The following CALN1 variants were observed in gnomAD, a reference collection of about 807,000 sequenced individuals.
CALN1 encodes calneuron 1.
CALN1 carries 17 observed loss-of-function variants against 30.6 expected under a neutral mutation model. That is an observed-to-expected ratio of 0.56 (90% CI 0.38 to 0.83). CALN1 has a LOEUF of 0.83. CALN1 is among the 40% of genes least tolerant of loss of function. The pLI, the probability that CALN1 is intolerant of heterozygous loss-of-function variation, is 0.00. For synonymous variants in CALN1, 156 were observed against 131.4 expected (o/e 1.19, Z -1.28); for missense variants, 291 against 354.9 (o/e 0.82, Z 1.45).
At position 71,931,684 on chromosome 7, in the gene CALN1, G is replaced by A. The variant is rs573348566; in HGVS notation, c.501+91973C>T. On this transcript the variant is annotated intron_variant, in intron 5 of 6. Coordinates refer to ENST00000395275, the MANE Select transcript of CALN1 (RefSeq NM_031468.4). ...AGTTCTAACCCTTTCTTTCAAAGCC[G>A]TTGCTACTGAGGGATACAGTGCAAT... is the stretch of plus-strand genomic sequence containing the variant. Among the ~76,000 whole-genome samples, 12 of 152,324 alleles carry A rather than the reference G, an allele frequency of 7.9e-5. No individual in the cohort carries two copies. The South Asian group carries it at 2.1e-3, about 26-fold the overall frequency.
At chr7:72,458,898 T>C in the CALN1 span, among the ~76,000 whole-genome samples, 1 of 144,180 alleles carries the variant, frequency 6.9e-6, no homozygotes, top group Non-Finnish European at 1.5e-5. Flanking sequence ...TTTGGTTTTT[T>C]TGGGGTTTTT....
At chr7:71,838,381 C>T (rs1789743629) in intron 5 of CALN1, among the ~76,000 whole-genome samples, 1 of 152,208 alleles carries the variant, frequency 6.6e-6, no homozygotes, top group East Asian at 1.9e-4. Context: ...AACATCCATT[C>T]TGTCCCAGAT....
chr7:72,205,682 G>A (rs1017615367), intron 3 of CALN1, among the ~76,000 whole-genome samples: 1 of 147,902 alleles, frequency 6.8e-6, no homozygotes, highest in South Asian at 2.2e-4. Flanking sequence ...TTTAAGTTTT[G>A]TAACATCAAA....
At chr7:72,112,070 A>T (rs746843448) in intron 3 of CALN1, among the ~76,000 whole-genome samples, 2 of 152,132 alleles carry the variant, frequency 1.3e-5, no homozygotes, top group Non-Finnish European at 2.9e-5. Flanking sequence ...CTTAAAAAAA[A>T]GTCTGCATTG....
chr7:72,376,427 A>G (rs1351800980), intron 2 of CALN1, among the ~76,000 whole-genome samples: 1 of 152,152 alleles, frequency 6.6e-6, no homozygotes, highest in Admixed American at 6.5e-5. Context: ...GTGGGTTTTG[A>G]TATTATTGTG....
chr7:72,216,888 A>G (rs951223184), intron 3 of CALN1, among the ~76,000 whole-genome samples: 1 of 149,060 alleles, frequency 6.7e-6, no homozygotes, highest in Non-Finnish European at 1.5e-5. Flanking sequence ...AGTAGCTGGG[A>G]GTACAGGCAC....
intron 2 of CALN1, among the ~76,000 whole-genome samples, chr7:72,402,450 G>A (rs1047590874): frequency 1.1e-4 from 16 of 152,144 alleles, no homozygotes; most frequent in African/African-American, 3.4e-4. Flanking sequence ...GCTAAAGCTG[G>A]AGATCCCATT....
intron 3 of CALN1, among the ~76,000 whole-genome samples, chr7:72,130,583 G>T (rs1285348316): frequency 6.6e-6 from 1 of 152,108 alleles, no homozygotes; most frequent in African/African-American, 2.4e-5. Context: ...AACCTAACGT[G>T]TAGAGTATGT....
At chr7:72,304,373 T>A (rs1799504668) in intron 2 of CALN1, among the ~76,000 whole-genome samples, 2 of 152,090 alleles carry the variant, frequency 1.3e-5, no homozygotes, top group Admixed American at 1.3e-4. Flanking sequence ...ATGCCTGTAA[T>A]CCCAGCACTT....
the CALN1 span, among the ~76,000 whole-genome samples, chr7:72,486,844 T>C: frequency 6.6e-6 from 1 of 152,222 alleles, no homozygotes; most frequent in Non-Finnish European, 1.5e-5. Context: ...ATATGGTAGC[T>C]AGTAGATTTC....
At position 72,319,570 on chromosome 7, in the gene CALN1, TA is replaced by T. The variant is rs141755062; in HGVS notation, c.120-40761del. On this transcript the variant is annotated intron_variant, in intron 2 of 6. Coordinates refer to ENST00000395275, the MANE Select transcript of CALN1 (RefSeq NM_031468.4). The stretch of plus-strand genomic sequence containing the variant: ...TCATATACACATACACACAATGGAA[TA>T]CTACTTAGCCATGAAAAAGAATGCA... Among the ~76,000 whole-genome samples the T allele has an allele frequency of 8.2e-3, 1,255 of 152,280 alleles. 20 individuals are homozygous for T. The highest frequency in any genetic ancestry group is 0.029 in the African/African-American group (1,197 of 41,542).
At chr7:71,909,167 C>A (rs773635409) in intron 5 of CALN1, among the ~76,000 whole-genome samples, 7 of 152,110 alleles carry the variant, frequency 4.6e-5, no homozygotes, top group Non-Finnish European at 1.0e-4. Context: ...TAGGCAGGCA[C>A]CAACACGCCC....
intron 4 of CALN1, among the ~76,000 whole-genome samples, chr7:72,046,711 A>T (rs1212009270): frequency 4.3e-5 from 3 of 69,208 alleles, no homozygotes; most frequent in East Asian, 1.4e-3. Context: ...CTCCCTCTTA[A>T]AAAAAAAAAA....
At chr7:72,263,108 T>A (rs1796378448) in intron 3 of CALN1, among the ~76,000 whole-genome samples, 1 of 152,190 alleles carries the variant, frequency 6.6e-6, no homozygotes, top group African/African-American at 2.4e-5. Flanking sequence ...GGTGGTCCTT[T>A]GTCTGGGTTT....
chr7:71,989,408 C>T (rs1280421974), intron 5 of CALN1, among the ~76,000 whole-genome samples: 1 of 151,482 alleles, frequency 6.6e-6, no homozygotes, highest in Non-Finnish European at 1.5e-5. Context: ...CACTGTACTC[C>T]AGCCTGGGCA....
chr7:72,220,900 T>C (rs982427824), intron 3 of CALN1, among the ~76,000 whole-genome samples: 5 of 152,196 alleles, frequency 3.3e-5, no homozygotes, highest in Admixed American at 2.6e-4. Context: ...GTTTGTTTTT[T>C]TCTTGTAAAT....
intron 2 of CALN1, among the ~76,000 whole-genome samples, chr7:72,314,376 C>CATATATACACGT (rs1800282051): frequency 4.8e-5 from 2 of 41,940 alleles, no homozygotes; most frequent in African/African-American, 1.3e-4. Flanking sequence ...CATATATACA[C>CATATATACACGT]ATATATACAC....
At chr7:72,038,257 GC>G (rs1562999522) in intron 4 of CALN1, among the ~76,000 whole-genome samples, 1 of 152,120 alleles carries the variant, frequency 6.6e-6, no homozygotes, top group East Asian at 1.9e-4. Flanking sequence ...ATGGGGAGCT[GC>G]CTTTACCCCA....
At chr7:72,035,536 T>C (rs902642157) in intron 4 of CALN1, among the ~76,000 whole-genome samples, 1 of 152,232 alleles carries the variant, frequency 6.6e-6, no homozygotes, top group Non-Finnish European at 1.5e-5. Flanking sequence ...ATTTTCTGCA[T>C]TGCTGTATTC....
Sources: allele counts gnomAD v4.1 joint callset (sites outside exome capture counted in the v4.1 genomes callset), GRCh38; gene constraint gnomAD v4.1.1; transcripts MANE v1.5; gene names NCBI Gene and HGNC (gene_info 2026-07-23, HGNC 2026-07-21).